The following KCNIP4 variants were observed in gnomAD, a reference collection of about 807,000 sequenced individuals.
KCNIP4 encodes the protein potassium voltage-gated channel interacting protein 4, also known as Kv channel-interacting protein 4.
Under a neutral mutation model 34.0 loss-of-function variants are expected in KCNIP4, and 12 were observed. The ratio of observed to expected loss-of-function variants is 0.35; its 90% CI spans 0.23 to 0.57. KCNIP4 has a LOEUF of 0.57. Among genes scored for constraint, KCNIP4 ranks in the 20% least tolerant of loss-of-function variants. The pLI is 0.83. For missense variants in KCNIP4, 238 were observed against 311.7 expected (o/e 0.76, Z 1.78); for synonymous variants, 124 against 102.2 (o/e 1.21, Z -1.29).
chr4:21,248,654 A>G (rs1420170556), intron 1 of KCNIP4, among the ~76,000 whole-genome samples: 1 of 152,150 alleles, frequency 6.6e-6, no homozygotes, highest in Non-Finnish European at 1.5e-5. Context: ...ACAATAGGTG[A>G]TAATAGAGCC....
chr4:21,199,101 C>G (rs1402264305), intron 1 of KCNIP4, among the ~76,000 whole-genome samples: 1 of 152,166 alleles, frequency 6.6e-6, no homozygotes, highest in African/African-American at 2.4e-5. Flanking sequence ...AATGGGATGG[C>G]TGGGTCAAAT....
intron 3 of KCNIP4, among the ~76,000 whole-genome samples, chr4:20,821,273 G>T (rs1286025693): frequency 6.6e-6 from 1 of 152,182 alleles, no homozygotes; most frequent in Non-Finnish European, 1.5e-5. Flanking sequence ...ATTTACTTGT[G>T]AATTATTACC....
At chr4:21,272,846 C>T (rs1439118934) in intron 1 of KCNIP4, among the ~76,000 whole-genome samples, 1 of 152,108 alleles carries the variant, frequency 6.6e-6, no homozygotes, top group African/African-American at 2.4e-5. Flanking sequence ...TTCTAAGGTT[C>T]TCTGATTTTT....
At chr4:21,782,436 G>A (rs893964831) in intron 1 of KCNIP4, among the ~76,000 whole-genome samples, 1 of 152,188 alleles carries the variant, frequency 6.6e-6, no homozygotes, top group African/African-American at 2.4e-5. Flanking sequence ...ATTCATGCCT[G>A]TAATTCCAGC....
chr4:21,545,184 T>C (rs892091899), intron 1 of KCNIP4, among the ~76,000 whole-genome samples: 4 of 152,132 alleles, frequency 2.6e-5, no homozygotes, highest in African/African-American at 9.7e-5. Flanking sequence ...ACAAATGTCA[T>C]GACAATGTCA....
intron 1 of KCNIP4, among the ~76,000 whole-genome samples, chr4:21,779,465 CG>C (rs1156343663): frequency 6.6e-6 from 1 of 151,964 alleles, no homozygotes; most frequent in African/African-American, 2.4e-5. Flanking sequence ...AAGTATGTAA[CG>C]TATTGGATGT....
chr4:21,321,707 AGAGAAGGAAGGC>A (rs1714435683), intron 1 of KCNIP4, among the ~76,000 whole-genome samples: 1 of 64,304 alleles, frequency 1.6e-5, no homozygotes, highest in Non-Finnish European at 3.3e-5. Flanking sequence ...AGAAGGAAGG[AGAGAAGGAAGGC>A]AGGAGGGAGG....
chr4:21,714,859 ATTTT>A (rs1714103266), intron 1 of KCNIP4, among the ~76,000 whole-genome samples: 1 of 308 alleles, frequency 3.2e-3, no homozygotes, highest in Non-Finnish European at 4.5e-3. Context: ...ATTTTATTTT[ATTTT>A]ATTTTATTTT....
At chr4:20,863,820 A>C (rs10433820) in intron 2 of KCNIP4, among the ~76,000 whole-genome samples, 1 of 151,712 alleles carries the variant, frequency 6.6e-6, no homozygotes. Flanking sequence ...TTACCTAATA[A>C]CAAACCTGCA....
rs149531318 is a variant in KCNIP4 at position 21,352,379 on chromosome 4, A to G, written c.62-469670T>C. Among the ~76,000 whole-genome samples, 1,333 of 152,308 alleles carry G rather than the reference A, an allele frequency of 8.8e-3. 13 individuals are homozygous for G. The highest frequency in any genetic ancestry group is 0.029 in the African/African-American group (1,207 of 41,582). On this transcript the variant is annotated intron_variant, in intron 1 of 8. Transcript: ENST00000382152. ...GAGATTTCCCTTTCCTAGCCAAAGG[A>G]AGCCATGATAGACTGTACCTGGAAA...
intron 1 of KCNIP4, among the ~76,000 whole-genome samples, chr4:21,270,860 C>T (rs1403979571): frequency 6.6e-6 from 1 of 151,772 alleles, no homozygotes; most frequent in African/African-American, 2.4e-5. Flanking sequence ...GTGGTGTGCA[C>T]CTATAGTTAC....
chr4:21,510,456 C>G (rs1322924923), intron 1 of KCNIP4, among the ~76,000 whole-genome samples: 1 of 151,798 alleles, frequency 6.6e-6, no homozygotes, highest in African/African-American at 2.4e-5. Context: ...CATCGTATTA[C>G]TCTTGAACAA....
chr4:21,360,835 C>T (rs1320945764), intron 1 of KCNIP4, among the ~76,000 whole-genome samples: 1 of 152,040 alleles, frequency 6.6e-6, no homozygotes. Context: ...CATGTTTAGA[C>T]AACAGGACAA....
At chr4:20,882,762 C>A in intron 1 of KCNIP4, 53 bp from the exon 2 acceptor site, 3 of 1,413,272 alleles carry the variant, frequency 2.1e-6, no homozygotes, top group Non-Finnish European at 2.0e-6. Flanking sequence ...AGAAAAGGGA[C>A]GTGCTGCAGG....
At chr4:21,569,291 T>A (rs897658642) in intron 1 of KCNIP4, among the ~76,000 whole-genome samples, 5 of 127,902 alleles carry the variant, frequency 3.9e-5, no homozygotes, top group African/African-American at 1.5e-4. Flanking sequence ...AAACCCAGAT[T>A]TTGTTGAATA....
At chr4:21,237,239 G>A (rs1759434588) in intron 1 of KCNIP4, among the ~76,000 whole-genome samples, 1 of 152,124 alleles carries the variant, frequency 6.6e-6, no homozygotes, top group African/African-American at 2.4e-5. Context: ...CTAAGGTGCT[G>A]GAGATATAAA....
intron 1 of KCNIP4, among the ~76,000 whole-genome samples, chr4:21,124,921 G>C (rs1750480677): frequency 6.6e-6 from 1 of 151,938 alleles, no homozygotes; most frequent in Admixed American, 6.6e-5. Context: ...GAACCGAAGT[G>C]GGACTTTGAT....
intron 1 of KCNIP4, among the ~76,000 whole-genome samples, chr4:21,735,352 A>G (rs1425794845): frequency 6.6e-6 from 1 of 152,226 alleles, no homozygotes; most frequent in Non-Finnish European, 1.5e-5. Context: ...ATAATTCAAT[A>G]AATTAAATTT....
At chr4:21,334,224 A>G (rs1273678077) in intron 1 of KCNIP4, among the ~76,000 whole-genome samples, 1 of 152,012 alleles carries the variant, frequency 6.6e-6, no homozygotes. Flanking sequence ...CCTTTTTCTC[A>G]TTATTAAAAT....
Sources: gnomAD v4.1 joint callset for allele counts (sites outside exome capture counted in the v4.1 genomes callset) on GRCh38, gnomAD v4.1.1 for gene constraint, MANE v1.5 for transcripts, NCBI Gene and HGNC (gene_info 2026-07-23, HGNC 2026-07-21) for gene names.